The following BCL6 variants were observed in gnomAD, a reference collection of about 807,000 sequenced individuals.
The protein encoded by BCL6 is B-cell lymphoma 6 protein.
BCL6 carries 7 observed loss-of-function variants against 59.5 expected under a neutral mutation model. The observed-to-expected ratio is 0.12, with a 90% CI of 0.07 to 0.22. BCL6 has a LOEUF of 0.22. Among genes scored for constraint, BCL6 ranks in the 10% least tolerant of loss-of-function variants. BCL6 has a pLI of 1.00. For synonymous variants in BCL6, 339 were observed against 349.7 expected (o/e 0.97, Z 0.34); for missense variants, 685 against 939.4 (o/e 0.73, Z 3.54).
chr3:187,744,325 A>G, intron 1 of BCL6, among the ~76,000 whole-genome samples: 2 of 135,108 alleles, frequency 1.5e-5, no homozygotes, highest in South Asian at 2.5e-4. Flanking sequence ...CCCCTTTCCC[A>G]CCCACCCCAA....
At position 187,725,586 on chromosome 3, in the gene BCL6, G is replaced by A; in HGVS notation, c.1752C>T (p.Asn584=). The change falls in exon 8 of 10, where the codon AAC becomes AAT. Residue 584 remains asparagine, a synonymous_variant. Coordinates refer to ENST00000406870, the MANE Select transcript of BCL6 (RefSeq NM_001706.5). This position sits in a 1 kb window ranked among gnomAD's most constrained non-coding sequence, Gnocchi z 4.7. ...TGTGGGTTTTCAGGTTGGCTGGCCG[G>A]TTGAACTGGGCCCCACAGATGTTGC... The part of the protein sequence containing the change: ...YRCNICGAQF[N]RPANLKTHTR... 6.2e-7 allele frequency: 1 copy of A among 1,614,226 alleles called. No homozygotes were observed. Among genetic ancestry groups the A allele is most frequent in the Non-Finnish European group, 8.5e-7 (1 of 1,180,048 alleles).
chr3:187,743,145 C>T (rs779663761), intron 1 of BCL6, among the ~76,000 whole-genome samples: 1 of 152,078 alleles, frequency 6.6e-6, no homozygotes, highest in Non-Finnish European at 1.5e-5. Context: ...TCTAAACAGC[C>T]CTTTCCCTGG....
At chr3:187,723,266 G>A (rs1224484416) in intron 9 of BCL6, among the ~76,000 whole-genome samples, 6 of 152,100 alleles carry the variant, frequency 3.9e-5, no homozygotes, top group South Asian at 2.1e-4. Context: ...AAGTGGAGCC[G>A]TTTCTTGATT....
At chr3:187,745,202 C>T (rs574673413) in intron 1 of BCL6, among the ~76,000 whole-genome samples, 1 of 152,142 alleles carries the variant, frequency 6.6e-6, no homozygotes, top group African/African-American at 2.4e-5. Context: ...ATTTTAACAC[C>T]TGACAGCTAG....
intron 1 of BCL6, among the ~76,000 whole-genome samples, chr3:187,744,317 C>G (rs950188799): frequency 6.6e-6 from 1 of 152,118 alleles, no homozygotes; most frequent in Admixed American, 6.5e-5. Context: ...AGTGCGCACC[C>G]CTTTCCCACC....
At chr3:187,744,507 C>T (rs1711785594) in intron 1 of BCL6, among the ~76,000 whole-genome samples, 1 of 152,110 alleles carries the variant, frequency 6.6e-6, no homozygotes, top group African/African-American at 2.4e-5. Context: ...ACTCGGCTCT[C>T]ATTAGGAAGA....
Position 187,733,707 on chromosome 3 carries a change from G to T in BCL6, c.-10-4C>A. On this transcript the variant is annotated splice_polypyrimidine_tract_variant and splice_region_variant and intron_variant, in intron 2 of 9. Transcript: ENST00000406870. ...CGGCGAGGCCATTTTGTCTTCACTTGAAAAAAGAGGCCAAAATCCTGTTAG... is the reference window on the plus strand; with the variant it reads ...CGGCGAGGCCATTTTGTCTTCACTTTAAAAAAGAGGCCAAAATCCTGTTAG... 1.2e-6 allele frequency: 2 copies of T among 1,613,780 alleles called. No homozygotes were observed. The highest frequency in any genetic ancestry group is 1.7e-6 in the Non-Finnish European group (2 of 1,179,802).
At chr3:187,741,418 C>G (rs1474714643) in intron 1 of BCL6, among the ~76,000 whole-genome samples, 3 of 151,674 alleles carry the variant, frequency 2.0e-5, no homozygotes, top group Non-Finnish European at 2.9e-5. Context: ...GGAATAAACT[C>G]CTGATCTTCT....
chr3:187,727,634 T>A (rs1317839543), intron 6 of BCL6, among the ~76,000 whole-genome samples: 1 of 152,076 alleles, frequency 6.6e-6, no homozygotes, highest in Non-Finnish European at 1.5e-5. Context: ...GAGGGGACAG[T>A]CCCCGCTCTC....
intron 2 of BCL6, 97 bp from the exon 3 acceptor site, chr3:187,733,800 A>C: frequency 1.6e-6 from 2 of 1,262,784 alleles, no homozygotes; most frequent in Non-Finnish European, 2.3e-6. Flanking sequence ...TAAGGTACAG[A>C]ATGCAACTCA....
chr3:187,735,684 G>GCACT (rs1719251756), intron 1 of BCL6, among the ~76,000 whole-genome samples: 1 of 152,190 alleles, frequency 6.6e-6, no homozygotes, highest in East Asian at 1.9e-4. Flanking sequence ...TGGCCAGGGA[G>GCACT]CACTAAACCT....
Position 187,728,461 on chromosome 3 carries a change from G to A in BCL6, c.1439C>T (p.Ser480Phe), listed in dbSNP as rs1718837470. 6.2e-6 allele frequency: 10 copies of A among 1,612,308 alleles called. No individual in the cohort carries two copies. Among genetic ancestry groups the A allele is most frequent in the Non-Finnish European group, 8.5e-6 (10 of 1,179,596 alleles). The change falls in exon 6 of 10, where the codon TCT becomes TTT. Residue 480 changes from serine (S) to phenylalanine (F), a missense_variant. By Grantham distance (155) the Ser-to-Phe change is radical. Transcript: ENST00000406870. ...MHPPKCTSCG[S>F]QSPQHAEMCL... ...CATCTCTGCATGCTGTGGGGACTGA[G>A]AGCCGCAGGACGTGCACTTCGGGGG...
chr3:187,722,435 C>T lies in BCL6; in HGVS notation c.*23G>A, dbSNP rs113181701. 45,036 of 1,601,854 alleles carry T rather than the reference C, an allele frequency of 0.028. 741 individuals carry two copies. Among genetic ancestry groups the T allele is most frequent in the Non-Finnish European group, 0.033 (38,847 of 1,174,334 alleles). On this transcript the variant is annotated 3_prime_UTR_variant, in exon 10 of 10. Coordinates refer to ENST00000406870, the MANE Select transcript of BCL6 (RefSeq NM_001706.5). ...GTAGATTCTGAGAAGGGGCTGGAGA[C>T]GAAAGCATCAACACTCCATGCTTCA...
intron 5 of BCL6, 56 bp downstream of exon 5, chr3:187,728,994 A>G: frequency 2.0e-6 from 3 of 1,505,552 alleles, no homozygotes; most frequent in Non-Finnish European, 2.7e-6. Flanking sequence ...AAGAAACGAC[A>G]TGGAACCCTG....
At chr3:187,745,117 C>T (rs1466495717) in intron 1 of BCL6, among the ~76,000 whole-genome samples, 1 of 152,038 alleles carries the variant, frequency 6.6e-6, no homozygotes, top group African/African-American at 2.4e-5. Flanking sequence ...CACTCAAAGA[C>T]AACAATAATA....
Position 187,745,468 on chromosome 3 carries a change from T to A in BCL6, c.-108A>T. 2.5e-6 allele frequency: 1 copy of A among 399,340 alleles called. No homozygotes were observed. Among genetic ancestry groups the A allele is most frequent in the Non-Finnish European group, 4.4e-6 (1 of 226,256 alleles). 24.7% of individuals were successfully genotyped at this position (399,340 alleles called of 1,614,324 possible). On this transcript the variant is annotated 5_prime_UTR_variant, in exon 1 of 10. Coordinates refer to ENST00000406870, the MANE Select transcript of BCL6 (RefSeq NM_001706.5). ...TCACCACTTCTAAGAACCCCAGTTC[T>A]AAGAATCAACAGAGCTCAATTCTCG...
intron 1 of BCL6, among the ~76,000 whole-genome samples, chr3:187,744,962 C>G (rs1576885987): frequency 2.6e-5 from 4 of 152,234 alleles, no homozygotes; most frequent in South Asian, 2.1e-4. Context: ...AGCCCCCAGA[C>G]TAGCCCGAAT....
chr3:187,732,117 C>T (rs1012488793), intron 3 of BCL6, among the ~76,000 whole-genome samples, 187 bp from the exon 4 acceptor site: 1 of 152,168 alleles, frequency 6.6e-6, no homozygotes, highest in Non-Finnish European at 1.5e-5. Context: ...CATACATTAT[C>T]GTTTGCTCCT....
At chr3:187,745,049 T>A (rs1418215745) in intron 1 of BCL6, among the ~76,000 whole-genome samples, 1 of 150,842 alleles carries the variant, frequency 6.6e-6, no homozygotes, top group East Asian at 2.0e-4. Context: ...CCACCTCCTT[T>A]CCAAAAACCA....
Sources: allele counts gnomAD v4.1 joint callset (sites outside exome capture counted in the v4.1 genomes callset), GRCh38; gene constraint gnomAD v4.1.1; non-coding constraint Gnocchi (gnomAD v3.1); transcripts MANE v1.5; gene names NCBI Gene and HGNC (gene_info 2026-07-23, HGNC 2026-07-21).